Variants in DIP2B observed in about 807,000 individuals in gnomAD.
The protein encoded by DIP2B is DIP2 acetate--CoA ligase B (putative).
In DIP2B, 76 loss-of-function variants were observed where a neutral mutation model predicts 198.0. The ratio of observed to expected loss-of-function variants is 0.38; its 90% CI spans 0.32 to 0.46. DIP2B has a LOEUF of 0.46. DIP2B is among the 20% of genes least tolerant of loss of function. The probability of loss-of-function intolerance (pLI) is 0.99; values close to 1 mark genes in which losing one functional copy is unlikely to be tolerated. For synonymous variants in DIP2B, 701 were observed against 739.1 expected (o/e 0.95, Z 0.84); for missense variants, 1,559 against 1,978.4 (o/e 0.79, Z 4.02).
intron 37 of DIP2B, among the ~76,000 whole-genome samples, chr12:50,744,291 C>G (rs963738705): frequency 6.6e-6 from 1 of 152,124 alleles, no homozygotes; most frequent in Non-Finnish European, 1.5e-5. Flanking sequence ...TGTGAGCCAC[C>G]GCGCCTGGCC....
chr12:50,656,569 TTTTC>T (rs1464499613), intron 3 of DIP2B, among the ~76,000 whole-genome samples: 2 of 152,152 alleles, frequency 1.3e-5, no homozygotes, highest in East Asian at 3.8e-4. Context: ...GGAAAGCTTT[TTTTC>T]TTTCTTTTTT....
rs55678718 is a variant in DIP2B at position 50,559,709 on chromosome 12, C to CCACACACACACACACACA, written c.100+54488_100+54505dup. ...TGCACTGTAGCCTCAGTGACAGAAA[C>CCACACACACACACACACA]CACACACACACACACACACACACAC... On this transcript the variant is annotated intron_variant, in intron 1 of 37. Transcript: ENST00000301180. Among the ~76,000 whole-genome samples, 742 of 139,604 alleles carry CCACACACACACACACACA rather than the reference C, an allele frequency of 5.3e-3. 11 individuals are homozygous for CCACACACACACACACACA. Among genetic ancestry groups the CCACACACACACACACACA allele is most frequent in the African/African-American group, 0.013 (483 of 36,812 alleles). 91.6% of individuals were successfully genotyped at this position (139,604 alleles called of 152,430 possible). A position where few individuals can be genotyped will look rare whatever the true frequency, so the allele number is the denominator to read the frequency against.
At chr12:50,652,167 G>A (rs1314488001) in intron 3 of DIP2B, among the ~76,000 whole-genome samples, 1 of 151,872 alleles carries the variant, frequency 6.6e-6, no homozygotes, top group Non-Finnish European at 1.5e-5. Flanking sequence ...AAAAAAATTA[G>A]CCAGGCGTTG....
intron 1 of DIP2B, among the ~76,000 whole-genome samples, chr12:50,523,700 T>A (rs950359952): frequency 1.3e-5 from 2 of 152,160 alleles, no homozygotes; most frequent in African/African-American, 4.8e-5. Flanking sequence ...GGTATTAGCT[T>A]TAAAACAGGA....
At chr12:50,704,314 T>G in intron 20 of DIP2B, 94 bp downstream of exon 20, 2 of 1,191,796 alleles carry the variant, frequency 1.7e-6, no homozygotes, top group Non-Finnish European at 2.3e-6. Flanking sequence ...AGTCCAAGAG[T>G]GTTACAGAAC....
At chr12:50,517,890 C>T (rs1007887956) in intron 1 of DIP2B, among the ~76,000 whole-genome samples, 11 of 152,154 alleles carry the variant, frequency 7.2e-5, no homozygotes, top group South Asian at 2.1e-4. Flanking sequence ...ACTTCTGTTT[C>T]GTTCCAGTTT....
At chr12:50,532,444 G>A (rs995118503) in intron 1 of DIP2B, among the ~76,000 whole-genome samples, 7 of 152,160 alleles carry the variant, frequency 4.6e-5, no homozygotes, top group African/African-American at 1.7e-4. Flanking sequence ...GAATCTGGGA[G>A]GTGAAGGCTG....
chr12:50,587,183 G>T (rs1415263277), intron 1 of DIP2B, among the ~76,000 whole-genome samples: 2 of 152,312 alleles, frequency 1.3e-5, no homozygotes, highest in East Asian at 3.9e-4. Flanking sequence ...AGGTAGGCAA[G>T]CAGGATCTTT....
chr12:50,540,547 CTTTT>C (rs55910419), intron 1 of DIP2B, among the ~76,000 whole-genome samples: 1 of 128,406 alleles, frequency 7.8e-6, no homozygotes. Context: ...TAAAAAAATT[CTTTT>C]TTTTTTTTTT....
At chr12:50,526,620 C>T (rs74863901) in intron 1 of DIP2B, among the ~76,000 whole-genome samples, 2 of 139,166 alleles carry the variant, frequency 1.4e-5, no homozygotes, top group East Asian at 4.4e-4. Context: ...TCTCTTTTTC[C>T]TCTGCCTTTT....
chr12:50,702,516 T>C (rs1054923564), intron 19 of DIP2B, among the ~76,000 whole-genome samples: 11 of 151,988 alleles, frequency 7.2e-5, no homozygotes, highest in Admixed American at 2.0e-4. Context: ...GAGTCGAGAT[T>C]GTGCCATTGC....
At chr12:50,617,409 C>G (rs1937719969) in intron 1 of DIP2B, among the ~76,000 whole-genome samples, 1 of 151,904 alleles carries the variant, frequency 6.6e-6, no homozygotes, top group African/African-American at 2.4e-5. Context: ...CCTGCCTAGG[C>G]CTCCCAAAGT....
At chr12:50,557,797 A>G (rs114132089) in intron 1 of DIP2B, among the ~76,000 whole-genome samples, 221 of 152,336 alleles carry the variant, frequency 1.5e-3, no homozygotes, top group African/African-American at 5.1e-3. Context: ...TCCCAGATTG[A>G]ACTTGCCTTT....
At chr12:50,563,820 A>G (rs1958541061) in intron 1 of DIP2B, among the ~76,000 whole-genome samples, 1 of 151,202 alleles carries the variant, frequency 6.6e-6, no homozygotes, top group South Asian at 2.1e-4. Flanking sequence ...TTAAAAGCTC[A>G]TTCTGTGTAC....
chr12:50,582,313 G>A (rs1399031678), intron 1 of DIP2B, among the ~76,000 whole-genome samples: 1 of 151,830 alleles, frequency 6.6e-6, no homozygotes, highest in Non-Finnish European at 1.5e-5. Flanking sequence ...ACCACGCCTG[G>A]CTAATTTTGT....
At chr12:50,578,093 C>T (rs537498735) in intron 1 of DIP2B, among the ~76,000 whole-genome samples, 1 of 152,314 alleles carries the variant, frequency 6.6e-6, no homozygotes, top group East Asian at 1.9e-4. Flanking sequence ...CTCACTGCAA[C>T]CTCCACCTCC....
intron 27 of DIP2B, 81 bp from the exon 28 acceptor site, chr12:50,724,694 G>A: frequency 8.2e-7 from 1 of 1,222,598 alleles, no homozygotes; most frequent in Non-Finnish European, 1.2e-6. Context: ...TACATGAGTG[G>A]CTTTTAGCAG....
intron 30 of DIP2B, among the ~76,000 whole-genome samples, chr12:50,730,817 T>A (rs541315422): frequency 7.4e-6 from 1 of 134,326 alleles, no homozygotes; most frequent in South Asian, 3.0e-4. Flanking sequence ...AAATTCATAC[T>A]CATTCTTCAA....
intron 22 of DIP2B, among the ~76,000 whole-genome samples, chr12:50,710,684 C>T (rs1939599911): frequency 6.6e-6 from 1 of 152,152 alleles, no homozygotes; most frequent in African/African-American, 2.4e-5. Flanking sequence ...CTCGGCCTCC[C>T]AGAGTGCTGG....
Sources: allele counts gnomAD v4.1 joint callset (sites outside exome capture counted in the v4.1 genomes callset), GRCh38; gene constraint gnomAD v4.1.1; transcripts MANE v1.5; gene names NCBI Gene and HGNC (gene_info 2026-07-23, HGNC 2026-07-21).